Variants in COL4A1 observed in about 807,000 individuals in gnomAD.
The protein encoded by COL4A1 is collagen alpha-1(IV) chain.
Under a neutral mutation model 216.6 loss-of-function variants are expected in COL4A1, and 40 were observed. The observed-to-expected ratio is 0.18, with a 90% CI of 0.14 to 0.24. The LOEUF (loss-of-function observed/expected upper bound fraction) is 0.24, where lower values mean the gene tolerates loss of function less well. Ranked by LOEUF, COL4A1 falls within the 10% of genes least tolerant of loss-of-function variation. The pLI is 1.00. For missense variants in COL4A1, 1,628 were observed against 2,196.8 expected (o/e 0.74, Z 5.18); for synonymous variants, 839 against 810.7 (o/e 1.03, Z -0.59).
At chr13:110,276,448 T>G (rs1883435244) in intron 1 of COL4A1, among the ~76,000 whole-genome samples, 1 of 152,154 alleles carries the variant, frequency 6.6e-6, no homozygotes. Flanking sequence ...CTGATTCTCG[T>G]TGTACCGCCA....
chr13:110,237,103 G>T (rs562161576), intron 2 of COL4A1, among the ~76,000 whole-genome samples: 2 of 152,280 alleles, frequency 1.3e-5, no homozygotes, highest in South Asian at 4.1e-4. Context: ...GTCCCGACCC[G>T]TTAGAGAAAG....
In COL4A1 at chr13:110,174,519, A is replaced by G. The variant is rs1444721139; in HGVS notation, c.3333T>C (p.Pro1111=). Residue 1111 remains proline (P), a synonymous_variant, in exon 39 of 52, where the codon CCT becomes CCC. Coordinates refer to ENST00000375820, the MANE Select transcript of COL4A1 (RefSeq NM_001845.6). ...SPGSVGYPGS[P]GLPGEKGDKG... is the part of the protein sequence containing the mutation. Reference sequence around the variant, plus strand: ...TGTCACCTTTTTCTCCAGGTAGCCCAGGACTTCCTAAAGAAAAAAACAAAA... The same window carrying G: ...TGTCACCTTTTTCTCCAGGTAGCCCGGGACTTCCTAAAGAAAAAAACAAAA... 1.9e-6 allele frequency: 3 copies of G among 1,614,018 alleles called. No individual in the cohort carries two copies.
chr13:110,238,742 C>T (rs909530947), intron 2 of COL4A1, among the ~76,000 whole-genome samples: 1 of 152,160 alleles, frequency 6.6e-6, no homozygotes, highest in Admixed American at 6.5e-5. Context: ...GAAACGTGGG[C>T]TCCCAGGTTA....
intron 2 of COL4A1, among the ~76,000 whole-genome samples, chr13:110,238,381 C>T (rs1025611517): frequency 2.0e-5 from 3 of 152,164 alleles, no homozygotes; most frequent in Non-Finnish European, 4.4e-5. Context: ...TCAGCTGGTC[C>T]CAAGAGCTGT....
chr13:110,259,269 G>T (rs902925097), intron 1 of COL4A1, among the ~76,000 whole-genome samples: 3 of 151,950 alleles, frequency 2.0e-5, no homozygotes, highest in Non-Finnish European at 4.4e-5. Context: ...TTAGCTCATT[G>T]ACCCTAATTA....
intron 26 of COL4A1, among the ~76,000 whole-genome samples, 173 bp from the exon 27 acceptor site, chr13:110,183,449 T>C (rs974286947): frequency 1.3e-5 from 2 of 152,190 alleles, no homozygotes; most frequent in Non-Finnish European, 2.9e-5. Flanking sequence ...TTCTAGGATC[T>C]TTCACAGAGA....
At chr13:110,245,578 A>C (rs554373784) in intron 1 of COL4A1, among the ~76,000 whole-genome samples, 1 of 152,340 alleles carries the variant, frequency 6.6e-6, no homozygotes, top group African/African-American at 2.4e-5. Flanking sequence ...TTGAAGCTGA[A>C]AATGGCTATT....
At chr13:110,267,836 G>A (rs1385735950) in intron 1 of COL4A1, among the ~76,000 whole-genome samples, 1 of 151,990 alleles carries the variant, frequency 6.6e-6, no homozygotes, top group African/African-American at 2.4e-5. Flanking sequence ...ATAACATTGA[G>A]GGCAATAGGT....
intron 1 of COL4A1, among the ~76,000 whole-genome samples, chr13:110,269,815 A>G (rs1219420306): frequency 6.6e-6 from 1 of 151,898 alleles, no homozygotes; most frequent in Non-Finnish European, 1.5e-5. Flanking sequence ...ATCATATTTC[A>G]GGTCCAAAAC....
chr13:110,205,220 G>A (rs1408689411), intron 17 of COL4A1, 133 bp downstream of exon 17: 1 of 1,047,912 alleles, frequency 9.5e-7, no homozygotes, highest in Non-Finnish European at 1.4e-6. Flanking sequence ...ACTAAATTGT[G>A]TTTTTACCCA....
chr13:110,209,434 G>C lies in COL4A1; in HGVS notation c.616-7C>G. The C allele has an allele frequency of 6.3e-7, 1 of 1,598,280 alleles. No individual in the cohort carries two copies. Among genetic ancestry groups the C allele is most frequent in the Non-Finnish European group, 8.5e-7 (1 of 1,172,108 alleles). ...CGGGAGGGCCTGGGGGACCCTGGGA[G>C]AGACAGCATTTTAATTAAATAGGAT... On this transcript the variant is annotated splice_polypyrimidine_tract_variant and splice_region_variant and intron_variant, in intron 10 of 51. Coordinates refer to ENST00000375820, the MANE Select transcript of COL4A1 (RefSeq NM_001845.6).
intron 2 of COL4A1, among the ~76,000 whole-genome samples, chr13:110,240,500 C>T (rs1444126948): frequency 1.3e-5 from 2 of 152,260 alleles, no homozygotes; most frequent in Middle Eastern, 3.2e-3. Flanking sequence ...CCCCACACTT[C>T]TCTGCCTTCC....
At chr13:110,171,498 T>C (rs1160344886) in intron 41 of COL4A1, among the ~76,000 whole-genome samples, 1 of 152,112 alleles carries the variant, frequency 6.6e-6, no homozygotes, top group Non-Finnish European at 1.5e-5. Flanking sequence ...TTTAAAAAAT[T>C]AAAAAGTAAC....
intron 2 of COL4A1, among the ~76,000 whole-genome samples, chr13:110,236,258 ACATCTAATT>A (rs1030725378): frequency 3.3e-5 from 5 of 152,228 alleles, no homozygotes; most frequent in Non-Finnish European, 4.4e-5. Context: ...GTAAAATGGC[ACATCTAATT>A]CAACAGACTG....
chr13:110,306,799 GA>G (rs1414740080), intron 1 of COL4A1, 144 bp downstream of exon 1: 2 of 671,730 alleles, frequency 3.0e-6, no homozygotes, highest in East Asian at 7.0e-5. Context: ...GACCCCCAAC[GA>G]ACCCCGGCCC....
Position 110,227,387 on chromosome 13 carries a change from G to GACACAC in COL4A1, c.145-13378_145-13373dup, listed in dbSNP as rs373355054. Among the ~76,000 whole-genome samples the GACACAC allele has an allele frequency of 4.5e-3, 627 of 138,750 alleles. 4 individuals are homozygous for GACACAC. Among genetic ancestry groups the GACACAC allele is most frequent in the South Asian group, 0.011 (43 of 4,002 alleles). The allele number at this position is 138,750 out of a possible 152,430, so 91.0% of individuals were successfully genotyped here. On this transcript the variant is annotated intron_variant, in intron 2 of 51. Coordinates refer to ENST00000375820, the MANE Select transcript of COL4A1 (RefSeq NM_001845.6). ...TAGATGACCAAGTATGGGTACGGTA[G>GACACAC]ACACACACACACACACACACACACA... is the stretch of plus-strand genomic sequence containing the variant.
rs1876432917 is a variant in COL4A1 at position 110,150,199 on chromosome 13, G to C, written c.*164C>G. ...GTCTTTTTCTCCTTCAGCAAGTAGAGGTCAATGAAGCAGGGTGTGTTAGTT... is the reference window on the plus strand; with the variant it reads ...GTCTTTTTCTCCTTCAGCAAGTAGACGTCAATGAAGCAGGGTGTGTTAGTT... On this transcript the variant is annotated 3_prime_UTR_variant, in exon 52 of 52. Transcript: ENST00000375820. 1 of 707,950 alleles carries C rather than the reference G, an allele frequency of 1.4e-6. No individual in the cohort carries two copies. The highest frequency in any genetic ancestry group is 1.5e-5 in the South Asian group (1 of 65,780). The allele number at this position is 707,950 out of a possible 1,614,324, so 43.9% of individuals were successfully genotyped here. A position where few individuals can be genotyped will look rare whatever the true frequency, so the allele number is the denominator to read the frequency against.
rs754838907 is a variant in COL4A1 at position 110,201,426 on chromosome 13, C to A, written c.1084+12G>T. On this transcript the variant is annotated intron_variant, in intron 19 of 51. Transcript: ENST00000375820. ...GGAGTAGGAGGAGGGGGGAAAAAGGCAAGAAAGCTACCTTTTGGGCCTGGC... is the reference window on the plus strand; with the variant it reads ...GGAGTAGGAGGAGGGGGGAAAAAGGAAAGAAAGCTACCTTTTGGGCCTGGC... 1 of 1,611,494 alleles carries A rather than the reference C, an allele frequency of 6.2e-7. No homozygotes were observed. The highest frequency in any genetic ancestry group is 1.7e-5 in the Admixed American group (1 of 59,860).
At chr13:110,178,449 G>C (rs927189039) in intron 31 of COL4A1, among the ~76,000 whole-genome samples, 1 of 152,200 alleles carries the variant, frequency 6.6e-6, no homozygotes, top group Non-Finnish European at 1.5e-5. Context: ...TCCTGTCATT[G>C]AGAGTCAGCA....
Sources: gnomAD v4.1 joint callset for allele counts (sites outside exome capture counted in the v4.1 genomes callset) on GRCh38, gnomAD v4.1.1 for gene constraint, MANE v1.5 for transcripts, NCBI Gene and HGNC (gene_info 2026-07-23, HGNC 2026-07-21) for gene names.